Variants in MICAL3 observed in about 807,000 individuals in gnomAD.
The protein encoded by MICAL3 is [F-actin]-monooxygenase MICAL3.
Under a neutral mutation model 207.4 loss-of-function variants are expected in MICAL3, and 62 were observed. That is an observed-to-expected ratio of 0.30 (90% CI 0.24 to 0.37). The LOEUF (loss-of-function observed/expected upper bound fraction) is 0.37. Among genes scored for constraint, MICAL3 ranks in the 10% least tolerant of loss-of-function variants. The probability of loss-of-function intolerance (pLI) is 1.00; values close to 1 mark genes in which losing one functional copy is unlikely to be tolerated. For synonymous variants in MICAL3, 1,077 were observed against 1,069.3 expected (o/e 1.01, Z -0.14); for missense variants, 2,368 against 2,635.6 (o/e 0.90, Z 2.22).
chr22:17,873,170 C>T (rs1414934316), intron 16 of MICAL3, among the ~76,000 whole-genome samples: 10 of 152,224 alleles, frequency 6.6e-5, no homozygotes, highest in African/African-American at 1.2e-4. Context: ...GAAGGCAGGG[C>T]GAACGCGCAC....
chr22:17,977,548 AAGAC>A (rs1170645926), intron 1 of MICAL3, among the ~76,000 whole-genome samples: 12 of 151,998 alleles, frequency 7.9e-5, no homozygotes, highest in Admixed American at 3.3e-4. Context: ...AAAAAAAAAA[AAGAC>A]AGACAATAAC....
At chr22:17,864,067 G>A (rs144030547) in intron 19 of MICAL3, 7 of 987,236 alleles carry the variant, frequency 7.1e-6, no homozygotes, top group Non-Finnish European at 8.4e-6. Flanking sequence ...TGGAGCTCTG[G>A]ACGCATCTCA....
chr22:17,954,484 G>C (rs1934516704), intron 1 of MICAL3, among the ~76,000 whole-genome samples: 1 of 152,186 alleles, frequency 6.6e-6, no homozygotes, highest in African/African-American at 2.4e-5. Flanking sequence ...GGGGAGGGTA[G>C]GGAATGGATC....
intron 23 of MICAL3, 125 bp downstream of exon 23, chr22:17,822,822 T>C (rs886290925): frequency 1.3e-5 from 8 of 605,510 alleles, no homozygotes; most frequent in Admixed American, 2.9e-5. Flanking sequence ...ATTCCAGCCA[T>C]GGTGGAGCCA....
intron 10 of MICAL3, 113 bp downstream of exon 10, chr22:17,895,170 TA>T: frequency 9.0e-7 from 1 of 1,116,334 alleles, no homozygotes; most frequent in Non-Finnish European, 1.3e-6. Context: ...CCTGGATGAC[TA>T]AAAAAGTATC....
chr22:17,799,949 A>AACACACACACAC (rs3078144), intron 29 of MICAL3, among the ~76,000 whole-genome samples: 3 of 146,712 alleles, frequency 2.0e-5, no homozygotes, highest in South Asian at 2.2e-4. Flanking sequence ...CTCACTCTAA[A>AACACACACACAC]ACACACACAC....
intron 1 of MICAL3, among the ~76,000 whole-genome samples, chr22:17,958,837 G>A (rs894232061): frequency 1.3e-5 from 2 of 151,768 alleles, no homozygotes; most frequent in Non-Finnish European, 2.9e-5. Context: ...CTGAGTAGCT[G>A]AGATTAGAGG....
intron 16 of MICAL3, among the ~76,000 whole-genome samples, chr22:17,882,096 G>A (rs956781433): frequency 2.0e-5 from 3 of 152,152 alleles, no homozygotes; most frequent in African/African-American, 4.8e-5. Context: ...AAACAGCCCC[G>A]TACTCGCTCA....
Position 17,818,893 on chromosome 22 carries a change from G to A in MICAL3, c.3768C>T (p.Ser1256=). ...PPVAASTPPP[S]PLPICSQPQP... The stretch of plus-strand genomic sequence containing the variant: ...GGGGCTGGGAGCAGATGGGGAGTGG[G>A]CTGGGTGGGGGCGTGGAGGCCGCCA... The change falls in exon 26 of 32, where the codon AGC becomes AGT. Residue 1256 remains serine (S), a synonymous_variant. Coordinates refer to ENST00000441493, the MANE Select transcript of MICAL3 (RefSeq NM_015241.3). 6.4e-7 allele frequency: 1 copy of A among 1,556,418 alleles called. No homozygotes were observed.
chr22:17,807,328 G>A (rs757137154), intron 29 of MICAL3, among the ~76,000 whole-genome samples: 1 of 152,212 alleles, frequency 6.6e-6, no homozygotes, highest in Non-Finnish European at 1.5e-5. Context: ...ATCAGAGTGC[G>A]CAGAGCAGGG....
intron 3 of MICAL3, among the ~76,000 whole-genome samples, chr22:17,903,665 A>G (rs1931502311): frequency 6.6e-6 from 1 of 152,214 alleles, no homozygotes; most frequent in African/African-American, 2.4e-5. Context: ...GCGCTAGCAC[A>G]GTATTTTCGC....
chr22:17,794,489 C>T (rs557252918), intron 29 of MICAL3, among the ~76,000 whole-genome samples: 8 of 152,360 alleles, frequency 5.3e-5, no homozygotes, highest in Admixed American at 2.0e-4. Flanking sequence ...GCCTCCAGGA[C>T]GCTCACACCT....
chr22:17,925,501 C>T (rs547649597), intron 1 of MICAL3, among the ~76,000 whole-genome samples: 6 of 152,194 alleles, frequency 3.9e-5, no homozygotes, highest in Admixed American at 6.5e-5. Context: ...GTCAGTTTTA[C>T]GAGGAATGTG....
At chr22:17,892,315 G>C (rs1245789071) in intron 11 of MICAL3, among the ~76,000 whole-genome samples, 6 of 152,094 alleles carry the variant, frequency 3.9e-5, no homozygotes, top group Non-Finnish European at 7.4e-5. Flanking sequence ...TCTAAAACCC[G>C]AACAGCCTCT....
chr22:17,795,044 C>T (rs1241120742), intron 29 of MICAL3, among the ~76,000 whole-genome samples: 1 of 152,204 alleles, frequency 6.6e-6, no homozygotes, highest in Non-Finnish European at 1.5e-5. Context: ...TGCATGAATA[C>T]AGGTGTTTTC....
At chr22:17,887,269 C>T (rs1471474540) in intron 14 of MICAL3, 37 bp from the exon 15 acceptor site, 1 of 1,609,982 alleles carries the variant, frequency 6.2e-7, no homozygotes, top group Non-Finnish European at 8.5e-7. Flanking sequence ...ATTATTCTAG[C>T]CATACATACC....
intron 1 of MICAL3, among the ~76,000 whole-genome samples, chr22:18,016,760 G>GT (rs1342099623): frequency 6.6e-6 from 1 of 152,058 alleles, no homozygotes. Context: ...CTAACACAGT[G>GT]AAACCCCGTC....
chr22:17,801,066 C>T (rs2061932207), intron 29 of MICAL3, among the ~76,000 whole-genome samples: 1 of 151,884 alleles, frequency 6.6e-6, no homozygotes, highest in Non-Finnish European at 1.5e-5. Context: ...AAGTGATGAG[C>T]TGATGAGCCC....
At chr22:17,911,872 T>TGCCTTG (rs767784244) in intron 1 of MICAL3, among the ~76,000 whole-genome samples, 157 of 151,668 alleles carry the variant, frequency 1.0e-3, no homozygotes, top group African/African-American at 3.7e-3. Context: ...GAGGAACACT[T>TGCCTTG]GATCATATTT....
Sources: allele counts gnomAD v4.1 joint callset (sites outside exome capture counted in the v4.1 genomes callset), GRCh38; gene constraint gnomAD v4.1.1; transcripts MANE v1.5; gene names NCBI Gene and HGNC (gene_info 2026-07-23, HGNC 2026-07-21).